The following TRAPPC6B variants were observed in gnomAD, a reference collection of about 807,000 sequenced individuals.
TRAPPC6B encodes TRAPP complex subunit 6B.
TRAPPC6B carries 27 observed loss-of-function variants against 24.7 expected under a neutral mutation model. That is an observed-to-expected ratio of 1.09 (90% CI 0.81 to 1.51). The LOEUF is 1.51. Among genes scored for constraint, TRAPPC6B ranks in the 40% most tolerant of loss-of-function variants. The pLI, the probability that TRAPPC6B is intolerant of heterozygous loss-of-function variation, is 0.00. For missense variants in TRAPPC6B, 212 were observed against 190.8 expected (o/e 1.11, Z -0.66); for synonymous variants, 80 against 66.6 (o/e 1.20, Z -0.98).
intron 3 of TRAPPC6B, among the ~76,000 whole-genome samples, chr14:39,154,709 C>A (rs1019561838): frequency 6.6e-6 from 1 of 151,986 alleles, no homozygotes; most frequent in South Asian, 2.1e-4. Flanking sequence ...CATAAGCCCA[C>A]GTGCCCAGCC....
rs189210318 is a variant in TRAPPC6B at position 39,152,187 on chromosome 14, T to C, written c.352-348A>G. Among the ~76,000 whole-genome samples, 10 of 152,318 alleles carry C rather than the reference T, an allele frequency of 6.6e-5. No individual in the cohort carries two copies. The East Asian group carries it at 1.7e-3, about 26-fold the overall frequency. ...TCCCTGCTGCCTGCAGGATTCTAAG[T>C]AGATACAGTCTGCAGAGTGACTTGG... On this transcript the variant is annotated intron_variant, in intron 4 of 5. Coordinates refer to ENST00000330149, the MANE Select transcript of TRAPPC6B (RefSeq NM_001079537.2).
At chr14:39,150,878 G>A (rs1487920439) in intron 5 of TRAPPC6B, among the ~76,000 whole-genome samples, 2 of 152,096 alleles carry the variant, frequency 1.3e-5, no homozygotes, top group African/African-American at 2.4e-5. Context: ...GGTTTGTTGA[G>A]TAAGCACTTT....
intron 1 of TRAPPC6B, among the ~76,000 whole-genome samples, chr14:39,160,137 C>T (rs2053038668): frequency 1.3e-5 from 2 of 151,292 alleles, no homozygotes; most frequent in South Asian, 2.2e-4. Flanking sequence ...CAGAAAGATA[C>T]ATTTTAAAAC....
At chr14:39,168,187 G>C (rs963687751) in intron 1 of TRAPPC6B, among the ~76,000 whole-genome samples, 1 of 145,260 alleles carries the variant, frequency 6.9e-6, no homozygotes, top group Admixed American at 7.1e-5. Flanking sequence ...CTGCACTCCA[G>C]CCTGGGAGAC....
At position 39,170,304 on chromosome 14, in the gene TRAPPC6B, C is replaced by T. The variant is rs142671706; in HGVS notation, c.-209G>A. On this transcript the variant is annotated 5_prime_UTR_variant, in exon 1 of 6. Transcript: ENST00000330149. ...ACTGGAGAGAGCCCACACTTCGGGGCTACCAAATCCTAGGGCCGAACTAAA... is the reference window on the plus strand; with the variant it reads ...ACTGGAGAGAGCCCACACTTCGGGGTTACCAAATCCTAGGGCCGAACTAAA... 8 of 569,806 alleles carry T rather than the reference C, an allele frequency of 1.4e-5. No homozygotes were observed. Among genetic ancestry groups the T allele is most frequent in the Admixed American group, 3.4e-5 (1 of 29,182 alleles). 35.3% of individuals were successfully genotyped at this position (569,806 alleles called of 1,614,324 possible). A position where few individuals can be genotyped will look rare whatever the true frequency, so the allele number is the denominator to read the frequency against.
chr14:39,166,014 G>A (rs1450446351), intron 1 of TRAPPC6B, among the ~76,000 whole-genome samples: 4 of 152,134 alleles, frequency 2.6e-5, no homozygotes, highest in African/African-American at 9.7e-5. Flanking sequence ...ATGTTGGCCA[G>A]GCTGGCCTGG....
intron 3 of TRAPPC6B, among the ~76,000 whole-genome samples, chr14:39,155,111 G>T (rs1485069051): frequency 1.3e-5 from 2 of 151,858 alleles, no homozygotes; most frequent in African/African-American, 4.8e-5. Flanking sequence ...TTAATTTTTT[G>T]TAGAAAGGGG....
chr14:39,168,323 A>G (rs1448172590), intron 1 of TRAPPC6B, among the ~76,000 whole-genome samples: 1 of 152,146 alleles, frequency 6.6e-6, no homozygotes, highest in Non-Finnish European at 1.5e-5. Context: ...TTATGACAAA[A>G]AAGTAAAAGG....
intron 1 of TRAPPC6B, among the ~76,000 whole-genome samples, chr14:39,168,243 A>G (rs926681419): frequency 4.0e-5 from 6 of 150,518 alleles, no homozygotes; most frequent in African/African-American, 7.3e-5. Flanking sequence ...GAGAGAGAGA[A>G]GAGGAAAGGT....
chr14:39,170,296 C>T lies in TRAPPC6B; in HGVS notation c.-201G>A. 1.7e-6 allele frequency: 1 copy of T among 575,790 alleles called. No individual in the cohort carries two copies. Among genetic ancestry groups the T allele is most frequent in the Non-Finnish European group, 3.0e-6 (1 of 327,876 alleles). The allele number at this position is 575,790 out of a possible 1,614,324, so 35.7% of individuals were successfully genotyped here. A position where few individuals can be genotyped will look rare whatever the true frequency, so the allele number is the denominator to read the frequency against. On this transcript the variant is annotated 5_prime_UTR_variant, in exon 1 of 6. In the 5' UTR this introduces an upstream ATG that the reference lacks. Transcript: ENST00000330149. The stretch of plus-strand genomic sequence containing the variant: ...AGTCTGGTACTGGAGAGAGCCCACA[C>T]TTCGGGGCTACCAAATCCTAGGGCC...
At chr14:39,152,067 A>T (rs546696369) in intron 4 of TRAPPC6B, among the ~76,000 whole-genome samples, 23 of 152,346 alleles carry the variant, frequency 1.5e-4, no homozygotes, top group African/African-American at 4.6e-4. Context: ...TAAGTACTCC[A>T]GTCCAGGACT....
At chr14:39,165,231 G>C (rs2053096487) in intron 1 of TRAPPC6B, among the ~76,000 whole-genome samples, 4 of 152,066 alleles carry the variant, frequency 2.6e-5, no homozygotes, top group Admixed American at 2.6e-4. Context: ...ATTTTTAGTA[G>C]AGATGGGGTT....
chr14:39,164,768 C>T (rs1434062614), intron 1 of TRAPPC6B, among the ~76,000 whole-genome samples: 2 of 152,156 alleles, frequency 1.3e-5, no homozygotes, highest in African/African-American at 2.4e-5. Context: ...GTGCAGGAGG[C>T]AGAGGTTTCA....
intron 3 of TRAPPC6B, 94 bp downstream of exon 3, chr14:39,158,191 A>T: frequency 1.4e-6 from 1 of 712,608 alleles, no homozygotes; most frequent in Non-Finnish European, 2.3e-6. Context: ...AAAGTTAACC[A>T]GAAATTATTT....
intron 1 of TRAPPC6B, among the ~76,000 whole-genome samples, chr14:39,164,072 G>T (rs2053083960): frequency 7.0e-6 from 1 of 143,462 alleles, no homozygotes; most frequent in African/African-American, 3.0e-5. Flanking sequence ...CTTAAGTAAA[G>T]CCTTATCATT....
chr14:39,149,287 T>C lies in TRAPPC6B; in HGVS notation c.*1063A>G, dbSNP rs1251130280. ...ATGGCAGAGTACCCAGTGAAACATC[T>C]TGTTTGGTGTGTCAGTCACCCCCTG... On this transcript the variant is annotated 3_prime_UTR_variant, in exon 6 of 6. Coordinates refer to ENST00000330149, the MANE Select transcript of TRAPPC6B (RefSeq NM_001079537.2). 3 of 152,264 alleles carry C rather than the reference T, an allele frequency of 2.0e-5. No individual in the cohort carries two copies. Among genetic ancestry groups the C allele is most frequent in the Admixed American group, 6.5e-5 (1 of 15,282 alleles). 9.4% of individuals were successfully genotyped at this position (152,264 alleles called of 1,614,324 possible). A position where few individuals can be genotyped will look rare whatever the true frequency, so the allele number is the denominator to read the frequency against.
rs879701739 is a variant in TRAPPC6B at position 39,148,597 on chromosome 14, C to T, written c.*1753G>A. The T allele has an allele frequency of 2.5e-6, 1 of 398,324 alleles. No homozygotes were observed. The highest frequency in any genetic ancestry group is 4.4e-6 in the Non-Finnish European group (1 of 225,940). The allele number at this position is 398,324 out of a possible 1,614,324, so 24.7% of individuals were successfully genotyped here. On this transcript the variant is annotated 3_prime_UTR_variant, in exon 6 of 6. Coordinates refer to ENST00000330149, the MANE Select transcript of TRAPPC6B (RefSeq NM_001079537.2). ...CACACCTGTTTTATTTTGAAGTTCTCTATTGTGTTCTATTTTGATCTACTT... is the reference window on the plus strand; with the variant it reads ...CACACCTGTTTTATTTTGAAGTTCTTTATTGTGTTCTATTTTGATCTACTT...
At chr14:39,157,000 C>T (rs1360761092) in intron 3 of TRAPPC6B, among the ~76,000 whole-genome samples, 12 of 151,722 alleles carry the variant, frequency 7.9e-5, no homozygotes, top group Non-Finnish European at 1.3e-4. Context: ...GTCCCAGCTA[C>T]CTGGGAGCCT....
chr14:39,159,830 T>TA (rs112896478), intron 1 of TRAPPC6B, among the ~76,000 whole-genome samples: 1 of 151,980 alleles, frequency 6.6e-6, no homozygotes, highest in Non-Finnish European at 1.5e-5. Context: ...TACATTTTTT[T>TA]AATTTATTTT....
Sources: gnomAD v4.1 joint callset for allele counts (sites outside exome capture counted in the v4.1 genomes callset) on GRCh38, gnomAD v4.1.1 for gene constraint, MANE v1.5 for transcripts, NCBI Gene and HGNC (gene_info 2026-07-23, HGNC 2026-07-21) for gene names.